The following PIN4 variants were observed in gnomAD, a reference collection of about 807,000 sequenced individuals.
The protein encoded by PIN4 is peptidyl-prolyl cis-trans isomerase NIMA-interacting 4.
In PIN4, 3 loss-of-function variants were observed where a neutral mutation model predicts 8.3. That is an observed-to-expected ratio of 0.36 (90% CI 0.16 to 0.93). The LOEUF (loss-of-function observed/expected upper bound fraction) is 0.93. PIN4 is among the 40% of genes least tolerant of loss of function. PIN4 has a pLI of 0.44. For missense variants in PIN4, 75 were observed against 100.6 expected, an observed-to-expected ratio of 0.75 and a Z score of 1.09; for synonymous variants, 18 against 32.5, an observed-to-expected ratio of 0.55 and a Z score of 1.52.
chrX:72,230,107 G>A (rs2042975064), intron 3 of PIN4, among the ~76,000 whole-genome samples: 1 of 109,764 alleles, frequency 9.1e-6, no homozygotes, highest in South Asian at 4.0e-4. Flanking sequence ...CCCGGGAGGA[G>A]GAGCTTGCAG....
chrX:72,196,933 C>A, intron 3 of PIN4, 29 bp downstream of exon 3: 3 of 1,117,409 alleles, frequency 2.7e-6, no homozygotes, highest in Non-Finnish European at 2.4e-6. Flanking sequence ...TTATAATTTT[C>A]TCTCAAGGTA....
At chrX:72,204,345 G>A (rs2042803832) in intron 3 of PIN4, among the ~76,000 whole-genome samples, 1 of 112,529 alleles carries the variant, frequency 8.9e-6, no homozygotes, top group Non-Finnish European at 1.9e-5. Flanking sequence ...TTTGTAGGCA[G>A]GCTTGCATGG....
At chrX:72,258,996 G>T (rs539355513) in intron 3 of PIN4, among the ~76,000 whole-genome samples, 6 of 111,434 alleles carry the variant, frequency 5.4e-5, no homozygotes, top group Middle Eastern at 4.6e-3. Context: ...GTCTAACCAA[G>T]GTCTGCTTTT....
intron 3 of PIN4, chrX:72,205,417 C>T: frequency 8.3e-7 from 1 of 1,212,040 alleles, no homozygotes; most frequent in Non-Finnish European, 1.1e-6. Context: ...TGCTTCACTG[C>T]TGTCGTCAAG....
rs2042705276 is a variant in PIN4 at position 72,186,646 on chromosome X, A to G, written c.117+112A>G. On this transcript the variant is annotated intron_variant, in intron 2 of 3. Transcript: ENST00000373669. ...TCTAACAGGCTAGCCTAACACTGGT[A>G]TAAAATCAAAATAACACAAAATTGT... 9.4e-6 allele frequency: 5 copies of G among 534,079 alleles called. No homozygotes were observed. In the East Asian group the frequency reaches 1.9e-4, roughly 21 times the overall value. The allele number at this position is 534,079 out of a possible 1,213,427, so 44.0% of individuals were successfully genotyped here.
At chrX:72,224,160 G>A (rs1051852607) in intron 3 of PIN4, among the ~76,000 whole-genome samples, 5 of 111,264 alleles carry the variant, frequency 4.5e-5, no homozygotes, top group African/African-American at 1.6e-4. Context: ...ATACTGGGGC[G>A]AGCCTATCAG....
At chrX:72,216,833 G>A (rs1569490792) in intron 3 of PIN4, among the ~76,000 whole-genome samples, 1 of 111,495 alleles carries the variant, frequency 9.0e-6, no homozygotes, top group Non-Finnish European at 1.9e-5. Context: ...AGGAGCTGGA[G>A]GTACTAAAGG....
intron 3 of PIN4, among the ~76,000 whole-genome samples, chrX:72,253,657 G>T (rs1449349485): frequency 9.2e-6 from 1 of 108,829 alleles, no homozygotes; most frequent in Non-Finnish European, 1.9e-5. Flanking sequence ...AAATCAACGC[G>T]GGGCGTGGTG....
chrX:72,247,879 C>A lies in PIN4; in HGVS notation c.313-14828C>A, dbSNP rs6625987. Among the ~76,000 whole-genome samples the A allele has an allele frequency of 8.7e-3, 968 of 111,516 alleles. 27 individuals carry two copies. Among genetic ancestry groups the A allele is most frequent in the Admixed American group, 0.074 (767 of 10,433 alleles). On this transcript the variant is annotated intron_variant, in intron 3 of 3. Transcript: ENST00000423432. Reference sequence around the variant, plus strand: ...CAGGAGGGGCCTTGACCAGTCTGGGCCTCTGAAGGTGTGGAAGGAAGGGGC... The same window carrying A: ...CAGGAGGGGCCTTGACCAGTCTGGGACTCTGAAGGTGTGGAAGGAAGGGGC...
intron 3 of PIN4, among the ~76,000 whole-genome samples, chrX:72,250,058 G>T (rs1023272849): frequency 9.2e-6 from 1 of 108,893 alleles, no homozygotes; most frequent in Non-Finnish European, 1.9e-5. Flanking sequence ...CCTTTCCCTG[G>T]CAACAGTCCC....
downstream of PIN4, among the ~76,000 whole-genome samples, chrX:72,202,477 G>GGAA (rs973527072): frequency 1.4e-4 from 16 of 112,098 alleles, no homozygotes; most frequent in African/African-American, 5.2e-4. Context: ...TCTACATCAG[G>GGAA]GAAGAAAGAA....
intron 3 of PIN4, among the ~76,000 whole-genome samples, chrX:72,210,664 G>C (rs2042849158): frequency 9.0e-6 from 1 of 110,890 alleles, no homozygotes; most frequent in Non-Finnish European, 1.9e-5. Context: ...AATCACACAC[G>C]CCAGCCTTTT....
In PIN4 at chrX:72,213,941, C is replaced by T. The variant is rs2042872777; in HGVS notation, c.312+17037C>T. Among the ~76,000 whole-genome samples, 4 of 112,421 alleles carry T rather than the reference C, an allele frequency of 3.6e-5. No individual in the cohort carries two copies. In the South Asian group the frequency reaches 1.5e-3, roughly 41 times the overall value. On this transcript the variant is annotated intron_variant, in intron 3 of 3. Transcript: ENST00000423432. ...CCGTTAACAGTTTCCCTATACTGAT[C>T]CAGCTCCTGGAGTATCTGCTCCCTG...
chrX:72,194,701 C>CAAAAA (rs56123643), intron 2 of PIN4, among the ~76,000 whole-genome samples: 2 of 50,152 alleles, frequency 4.0e-5, no homozygotes, highest in African/African-American at 5.9e-5. Flanking sequence ...AACTCCATCT[C>CAAAAA]AAAAAAAAAA....
Position 72,197,694 on chromosome X carries a change from A to T in PIN4, c.*168A>T. ...CTAAGTATGGGTTTGTAGGTGTAAG[A>T]GAGGGTGGGGCTAAGTGAATGTCAA... is the stretch of plus-strand genomic sequence containing the variant. On this transcript the variant is annotated 3_prime_UTR_variant, in exon 4 of 4. Coordinates refer to ENST00000373669, the MANE Select transcript of PIN4 (RefSeq NM_006223.4). The T allele has an allele frequency of 9.7e-7, 1 of 1,030,739 alleles. No homozygotes were observed. Among genetic ancestry groups the T allele is most frequent in the Non-Finnish European group, 1.2e-6 (1 of 805,987 alleles). 84.9% of individuals were successfully genotyped at this position (1,030,739 alleles called of 1,213,427 possible).
intron 1 of PIN4, among the ~76,000 whole-genome samples, chrX:72,183,238 T>G (rs2042682716): frequency 9.0e-6 from 1 of 111,476 alleles, no homozygotes; most frequent in African/African-American, 3.3e-5. Flanking sequence ...ATAGATTGGC[T>G]TTGAGGTGTC....
chrX:72,202,421 G>A (rs2042793581), downstream of PIN4, among the ~76,000 whole-genome samples: 1 of 112,565 alleles, frequency 8.9e-6, no homozygotes, highest in African/African-American at 3.2e-5. Context: ...GATATAGGCC[G>A]CTAAAGCTTC....
rs761901303 is a variant in PIN4, at chrX:72,181,789, C to G, written c.4C>G (p.Pro2Ala). M[P>A]PKGKSGSGKA... Reference sequence around the variant, plus strand: ...CGTTCAACAACAAGCTTCCAAGATGCCGCCCAAAGGAAAAAGTGGTTCTGG... The same window carrying G: ...CGTTCAACAACAAGCTTCCAAGATGGCGCCCAAAGGAAAAAGTGGTTCTGG... Residue 2 changes from proline to alanine, a missense_variant, in exon 1 of 4, where the codon CCG becomes GCG. By Grantham distance (27) the Pro-to-Ala change is conservative (BLOSUM62 -1). Coordinates refer to ENST00000373669, the MANE Select transcript of PIN4 (RefSeq NM_006223.4). The G allele has an allele frequency of 5.0e-6, 6 of 1,194,824 alleles. No homozygotes were observed. Among genetic ancestry groups the G allele is most frequent in the Non-Finnish European group, 6.8e-6 (6 of 881,382 alleles).
At chrX:72,256,221 A>T (rs1380727901) in intron 3 of PIN4, among the ~76,000 whole-genome samples, 3 of 112,524 alleles carry the variant, frequency 2.7e-5, no homozygotes, top group Non-Finnish European at 5.6e-5. Context: ...CATTTTTAAA[A>T]AATAGCCAAA....
Sources: allele counts gnomAD v4.1 joint callset (sites outside exome capture counted in the v4.1 genomes callset), GRCh38; gene constraint gnomAD v4.1.1; transcripts MANE v1.5; gene names NCBI Gene and HGNC (gene_info 2026-07-23, HGNC 2026-07-21).